Variants in ATP12A observed in about 807,000 individuals in gnomAD.
ATP12A encodes the protein potassium-transporting ATPase alpha chain 2.
In ATP12A, 81 loss-of-function variants were observed where a neutral mutation model predicts 111.2. The observed-to-expected ratio is 0.73, with a 90% CI of 0.61 to 0.88. The LOEUF is 0.88. Among genes scored for constraint, ATP12A ranks in the 40% least tolerant of loss-of-function variants. The pLI is 0.00. For synonymous variants in ATP12A, 498 were observed against 499.8 expected, an observed-to-expected ratio of 1.00 and a Z score of 0.05; for missense variants, 1,196 against 1,313.1, an observed-to-expected ratio of 0.91 and a Z score of 1.38.
At chr13:24,701,495 C>T (rs1345330598) in intron 13 of ATP12A, among the ~76,000 whole-genome samples, 1 of 97,628 alleles carries the variant, frequency 1.0e-5, no homozygotes, top group East Asian at 3.0e-4. Context: ...GAGTGAAACT[C>T]TGTCTCAAAA....
intron 14 of ATP12A, among the ~76,000 whole-genome samples, chr13:24,702,499 AACGTGTAGCTAT>A (rs1280158180): frequency 6.6e-6 from 1 of 152,250 alleles, no homozygotes; most frequent in Non-Finnish European, 1.5e-5. Flanking sequence ...CCGGTTTCAT[AACGTGTAGCTAT>A]GTAAACACAC....
chr13:24,689,257 C>T lies in ATP12A; in HGVS notation c.433-5C>T, dbSNP rs1489419135. The T allele has an allele frequency of 1.2e-6, 2 of 1,613,550 alleles. No homozygotes were observed. The highest frequency in any genetic ancestry group is 1.7e-6 in the Non-Finnish European group (2 of 1,179,528). On this transcript the variant is annotated splice_region_variant and splice_polypyrimidine_tract_variant and intron_variant, in intron 4 of 22. Transcript: ENST00000381946. ...TCTCTGACTGACGCCCTCCTTCTCA[C>T]CCAGGTGTACTTGGGCTGTGTGCTT...
intron 3 of ATP12A, 36 bp from the exon 4 acceptor site, chr13:24,688,283 T>C: frequency 1.9e-6 from 3 of 1,574,354 alleles, no homozygotes; most frequent in Non-Finnish European, 2.6e-6. Flanking sequence ...TTCGTATTTG[T>C]TTTGGTTGTG....
intron 3 of ATP12A, among the ~76,000 whole-genome samples, chr13:24,686,611 C>T (rs956537943): frequency 4.9e-4 from 73 of 150,238 alleles, no homozygotes; most frequent in Admixed American, 1.3e-3. Flanking sequence ...CGGTGGCGGG[C>T]GCCTGTAGTC....
rs970219901 is a variant in ATP12A, at chr13:24,681,546, T to C, written c.10-16T>C. 1 of 1,608,168 alleles carries C rather than the reference T, an allele frequency of 6.2e-7. No individual in the cohort carries two copies. On this transcript the variant is annotated splice_polypyrimidine_tract_variant and intron_variant, in intron 1 of 22. Transcript: ENST00000381946. ...CCCCATTTGGGGCCAATATTGCACC[T>C]GGGCTTCTCTTTCAGAAAACCCCAG...
intron 14 of ATP12A, chr13:24,704,726 A>G: frequency 4.2e-6 from 1 of 239,488 alleles, no homozygotes. Context: ...GAATGTGGGA[A>G]GGTGCATTGA....
At chr13:24,698,399 G>A (rs899098065) in intron 11 of ATP12A, among the ~76,000 whole-genome samples, 5 of 152,062 alleles carry the variant, frequency 3.3e-5, no homozygotes, top group Admixed American at 6.5e-5. Flanking sequence ...GATTTCACAC[G>A]CTGACGGCCA....
At chr13:24,699,327 G>A (rs1279880469) in intron 12 of ATP12A, among the ~76,000 whole-genome samples, 1 of 152,198 alleles carries the variant, frequency 6.6e-6, no homozygotes, top group Non-Finnish European at 1.5e-5. Context: ...AGCACTGAGG[G>A]CTGTGCCACT....
rs767140734 is a variant in ATP12A, at chr13:24,690,665, A to T, written c.743A>T (p.His248Leu). ...EPQPRSSEFT[H>L]ENPLETKNIC... is the part of the protein sequence containing the mutation. ...CAGCCCCGCTCCTCTGAGTTTACCC[A>T]TGAAAACCCCCTGGAAACAAAGAAC... Residue 248 changes from histidine to leucine, a missense_variant, in exon 7 of 23, where the codon CAT becomes CTT. Coordinates refer to ENST00000381946, the MANE Select transcript of ATP12A (RefSeq NM_001676.7). The T allele has an allele frequency of 1.5e-5, 24 of 1,613,888 alleles. No homozygotes were observed. In the South Asian group the frequency reaches 1.9e-4, roughly 13 times the overall value.
intron 10 of ATP12A, among the ~76,000 whole-genome samples, chr13:24,693,807 T>C (rs1435868634): frequency 6.6e-6 from 1 of 152,288 alleles, no homozygotes; most frequent in Non-Finnish European, 1.5e-5. Flanking sequence ...TCTATCATTC[T>C]TGCTTCAAAA....
intron 17 of ATP12A, 88 bp downstream of exon 17, chr13:24,707,521 C>T: frequency 6.5e-7 from 1 of 1,539,632 alleles, no homozygotes; most frequent in Non-Finnish European, 8.9e-7. Flanking sequence ...CGGGGATGGA[C>T]TAACTCAAGG....
At chr13:24,708,730 C>A (rs1875773289) in intron 17 of ATP12A, among the ~76,000 whole-genome samples, 1 of 150,314 alleles carries the variant, frequency 6.7e-6, no homozygotes, top group Admixed American at 6.6e-5. Flanking sequence ...AAATTAAGAA[C>A]AAATAAAATA....
intron 13 of ATP12A, 74 bp downstream of exon 13, chr13:24,700,996 A>AT: frequency 6.6e-7 from 1 of 1,522,260 alleles, no homozygotes; most frequent in Non-Finnish European, 9.0e-7. Context: ...TTTTCATAGC[A>AT]GATGGTCAGT....
chr13:24,688,563 G>A (rs752782562), intron 4 of ATP12A, 41 bp downstream of exon 4: 5 of 1,493,544 alleles, frequency 3.3e-6, no homozygotes, highest in Non-Finnish European at 4.5e-6. Context: ...TGCTGGCAGA[G>A]CCATCCAGTG....
chr13:24,687,856 T>G (rs1030108898), intron 3 of ATP12A, among the ~76,000 whole-genome samples: 1 of 152,214 alleles, frequency 6.6e-6, no homozygotes, highest in African/African-American at 2.4e-5. Context: ...CAAGTCCTCC[T>G]TCATCAAATT....
rs1874871871 is a variant in ATP12A, at chr13:24,690,986, T to C, written c.804T>C (p.Thr268=). The C allele has an allele frequency of 3.7e-6, 6 of 1,614,152 alleles. No individual in the cohort carries two copies. Among genetic ancestry groups the C allele is most frequent in the Non-Finnish European group, 5.1e-6 (6 of 1,179,988 alleles). The stretch of plus-strand genomic sequence containing the variant: ...AAGCATCTACTTCCCCTGTAGGCAC[T>C]GTCACCGGCATGGTTATCAACACGG... The part of the protein sequence containing the change: ...CFYSTTCLEG[T]VTGMVINTGD... Residue 268 remains threonine, a synonymous_variant, in exon 8 of 23, where the codon ACT becomes ACC. Transcript: ENST00000381946.
In ATP12A at chr13:24,685,411, C is replaced by T; in HGVS notation, c.228+38C>T. On this transcript the variant is annotated intron_variant, in intron 3 of 22. Coordinates refer to ENST00000381946, the MANE Select transcript of ATP12A (RefSeq NM_001676.7). The surrounding 1 kb of genome is among the most constrained non-coding windows in gnomAD (Gnocchi z 5.5). ...AACCAGGGATTTGGAAGAGAAGCCT[C>T]CCAACTCTACAGAGGGAAGGCTGTG... The T allele has an allele frequency of 6.3e-7, 1 of 1,591,846 alleles. No individual in the cohort carries two copies. The highest frequency in any genetic ancestry group is 8.6e-7 in the Non-Finnish European group (1 of 1,159,724).
chr13:24,700,950 G>C, intron 13 of ATP12A, 28 bp downstream of exon 13: 1 of 1,608,206 alleles, frequency 6.2e-7, no homozygotes, highest in Non-Finnish European at 8.5e-7. Flanking sequence ...GACTCAAGAA[G>C]TTCTTTCTTT....
intron 9 of ATP12A, 63 bp downstream of exon 9, chr13:24,692,690 G>A (rs775314354): frequency 1.8e-4 from 291 of 1,598,596 alleles, no homozygotes; most frequent in Middle Eastern, 3.3e-4. Flanking sequence ...GCTGAGCTGA[G>A]CACACAGCAG....
Sources: allele counts gnomAD v4.1 joint callset (sites outside exome capture counted in the v4.1 genomes callset), GRCh38; gene constraint gnomAD v4.1.1; non-coding constraint Gnocchi (gnomAD v3.1); transcripts MANE v1.5; gene names NCBI Gene and HGNC (gene_info 2026-07-23, HGNC 2026-07-21).